GRID2: variants seen among roughly 807,000 people sequenced by gnomAD.
The protein encoded by GRID2 is glutamate receptor ionotropic, delta-2.
Under a neutral mutation model 114.8 loss-of-function variants are expected in GRID2, and 33 were observed. The observed-to-expected ratio is 0.29, with a 90% CI of 0.22 to 0.38. The LOEUF (loss-of-function observed/expected upper bound fraction) is 0.38. Among genes scored for constraint, GRID2 ranks in the 10% least tolerant of loss-of-function variants. GRID2 has a pLI of 1.00. For missense variants in GRID2, 1,184 were observed against 1,257.7 expected (o/e 0.94, Z 0.89); for synonymous variants, 505 against 449.9 (o/e 1.12, Z -1.55).
At chr4:93,406,712 CTAAA>C (rs1480478018) in intron 9 of GRID2, among the ~76,000 whole-genome samples, 1 of 152,060 alleles carries the variant, frequency 6.6e-6, no homozygotes, top group Non-Finnish European at 1.5e-5. Context: ...AGGTGAATAT[CTAAA>C]TATCTATATA....
At chr4:93,403,942 T>C (rs1431741151) in intron 9 of GRID2, among the ~76,000 whole-genome samples, 1 of 152,176 alleles carries the variant, frequency 6.6e-6, no homozygotes, top group African/African-American at 2.4e-5. Flanking sequence ...CATAGCAGCA[T>C]GGTTGATTGC....
chr4:92,983,101 C>A (rs572708235), intron 2 of GRID2, among the ~76,000 whole-genome samples: 21 of 152,126 alleles, frequency 1.4e-4, no homozygotes, highest in African/African-American at 4.8e-4. Context: ...AGGAATATTC[C>A]TATCTGGGAG....
intron 14 of GRID2, among the ~76,000 whole-genome samples, chr4:93,645,848 C>G (rs1474430339): frequency 6.6e-6 from 1 of 152,148 alleles, no homozygotes; most frequent in Non-Finnish European, 1.5e-5. Context: ...AAATTCTTAG[C>G]TTGCAAAGAA....
At chr4:93,128,629 C>T (rs1205246504) in intron 4 of GRID2, among the ~76,000 whole-genome samples, 1 of 152,156 alleles carries the variant, frequency 6.6e-6, no homozygotes, top group African/African-American at 2.4e-5. Context: ...CATTGCTAAA[C>T]TGTCCTAATC....
At chr4:93,029,565 A>G (rs1724195021) in intron 2 of GRID2, among the ~76,000 whole-genome samples, 1 of 152,284 alleles carries the variant, frequency 6.6e-6, no homozygotes, top group Non-Finnish European at 1.5e-5. Flanking sequence ...AGAAAGTACC[A>G]GTAAACCGGA....
chr4:92,427,692 C>G (rs1407211427), intron 1 of GRID2, among the ~76,000 whole-genome samples: 2 of 151,922 alleles, frequency 1.3e-5, no homozygotes, highest in African/African-American at 2.4e-5. Flanking sequence ...ACAAATAGAG[C>G]GAATAGACCA....
intron 14 of GRID2, among the ~76,000 whole-genome samples, chr4:93,716,777 T>A (rs1728938429): frequency 6.6e-6 from 1 of 152,102 alleles, no homozygotes; most frequent in Non-Finnish European, 1.5e-5. Flanking sequence ...ATCTACTCAA[T>A]TTCTTTTCAA....
chr4:93,037,230 T>C (rs866375459), intron 2 of GRID2, among the ~76,000 whole-genome samples: 47 of 152,238 alleles, frequency 3.1e-4, no homozygotes, highest in African/African-American at 1.1e-3. Flanking sequence ...AATTCCAAAA[T>C]TGTTTTAAAA....
At chr4:93,092,623 T>C (rs1421655374) in intron 3 of GRID2, among the ~76,000 whole-genome samples, 2 of 152,066 alleles carry the variant, frequency 1.3e-5, no homozygotes, top group African/African-American at 4.8e-5. Flanking sequence ...TCTGTCTCAA[T>C]AATCAGCTTG....
chr4:92,705,136 C>T (rs1376537808), intron 2 of GRID2, among the ~76,000 whole-genome samples: 1 of 151,924 alleles, frequency 6.6e-6, no homozygotes, highest in Non-Finnish European at 1.5e-5. Flanking sequence ...AGAGAATATA[C>T]CTGTAATAAG....
chr4:92,878,754 T>C (rs1745800206), intron 2 of GRID2, among the ~76,000 whole-genome samples: 1 of 152,150 alleles, frequency 6.6e-6, no homozygotes, highest in South Asian at 2.1e-4. Context: ...TAATATTCCC[T>C]GAGCTCAAAG....
rs1210396431 is a variant in GRID2, at chr4:92,934,586, C to T, written c.245-150409C>T. ...AAAGAGCCTGCATCGCCAAGTCAAT[C>T]CTAAGCCAAAAGAACAAAGCTGGAG... On this transcript the variant is annotated intron_variant, in intron 2 of 15. Coordinates refer to ENST00000282020, the MANE Select transcript of GRID2 (RefSeq NM_001510.4). 6.8e-5 allele frequency among the ~76,000 whole-genome samples: 10 copies of T among 146,314 alleles called. 2 individuals are homozygous for T. Among genetic ancestry groups the T allele is most frequent in the Admixed American group, 4.5e-4 (6 of 13,394 alleles).
intron 2 of GRID2, among the ~76,000 whole-genome samples, chr4:93,020,079 A>G (rs1723137167): frequency 6.6e-6 from 1 of 152,180 alleles, no homozygotes; most frequent in Non-Finnish European, 1.5e-5. Flanking sequence ...GGGAATGAAA[A>G]TAGCACTTAC....
chr4:93,014,114 A>T (rs1722453294), intron 2 of GRID2, among the ~76,000 whole-genome samples: 1 of 152,086 alleles, frequency 6.6e-6, no homozygotes, highest in African/African-American at 2.4e-5. Flanking sequence ...TGAAAGGCTT[A>T]TAGAAATATG....
At chr4:92,748,150 T>G (rs1267346877) in intron 2 of GRID2, among the ~76,000 whole-genome samples, 2 of 152,216 alleles carry the variant, frequency 1.3e-5, no homozygotes, top group East Asian at 3.8e-4. Context: ...ACTACTAGCC[T>G]GCTTAGATTT....
At chr4:92,991,450 C>T (rs372973390) in intron 2 of GRID2, among the ~76,000 whole-genome samples, 5 of 152,118 alleles carry the variant, frequency 3.3e-5, no homozygotes, top group Non-Finnish European at 7.4e-5. Context: ...CATTATCTGA[C>T]GAAGTCCACA....
intron 8 of GRID2, among the ~76,000 whole-genome samples, chr4:93,315,304 G>A (rs1756468517): frequency 6.6e-6 from 1 of 152,060 alleles, no homozygotes. Context: ...GAGACACAAA[G>A]CAATATCATA....
At chr4:92,397,623 C>A (rs977471007) in intron 1 of GRID2, among the ~76,000 whole-genome samples, 1 of 152,108 alleles carries the variant, frequency 6.6e-6, no homozygotes, top group Non-Finnish European at 1.5e-5. Flanking sequence ...GTTACTGTTG[C>A]AGCATAGAAG....
At chr4:92,832,711 C>T (rs1327816095) in intron 2 of GRID2, among the ~76,000 whole-genome samples, 2 of 151,992 alleles carry the variant, frequency 1.3e-5, no homozygotes, top group Admixed American at 6.6e-5. Flanking sequence ...CTCTTGAACC[C>T]AGGAGGTGGA....
Sources: allele counts gnomAD v4.1 joint callset (sites outside exome capture counted in the v4.1 genomes callset), GRCh38; gene constraint gnomAD v4.1.1; transcripts MANE v1.5; gene names NCBI Gene and HGNC (gene_info 2026-07-23, HGNC 2026-07-21).